Variants in ZSWIM6 observed in about 807,000 individuals in gnomAD.
ZSWIM6 encodes zinc finger SWIM domain-containing protein 6.
In ZSWIM6, 9 loss-of-function variants were observed where a neutral mutation model predicts 113.2. The ratio of observed to expected loss-of-function variants is 0.08; its 90% CI spans 0.05 to 0.14. The LOEUF is 0.14. Among genes scored for constraint, ZSWIM6 ranks in the 10% least tolerant of loss-of-function variants. The pLI, the probability that ZSWIM6 is intolerant of heterozygous loss-of-function variation, is 1.00. For missense variants in ZSWIM6, 1,162 were observed against 1,552.2 expected (o/e 0.75, Z 4.22); for synonymous variants, 611 against 606.5 (o/e 1.01, Z -0.11).
chr5:61,447,105 AAGC>A (rs1746970801), intron 1 of ZSWIM6, among the ~76,000 whole-genome samples: 1 of 152,158 alleles, frequency 6.6e-6, no homozygotes, highest in Admixed American at 6.5e-5. Context: ...ATCATGTACT[AAGC>A]AGGCCCAACC....
chr5:61,388,688 T>C (rs1305166794), intron 1 of ZSWIM6, among the ~76,000 whole-genome samples: 1 of 152,254 alleles, frequency 6.6e-6, no homozygotes, highest in Non-Finnish European at 1.5e-5. Flanking sequence ...AGCTAGTATT[T>C]GAACACACAG....
At chr5:61,419,663 T>C (rs1438764074) in intron 1 of ZSWIM6, among the ~76,000 whole-genome samples, 1 of 152,206 alleles carries the variant, frequency 6.6e-6, no homozygotes. Flanking sequence ...AACATTTCCA[T>C]CATTGTAGAA....
intron 1 of ZSWIM6, among the ~76,000 whole-genome samples, chr5:61,365,656 A>G (rs1298252412): frequency 6.6e-6 from 1 of 152,132 alleles, no homozygotes; most frequent in Non-Finnish European, 1.5e-5. Context: ...CAGTGTGATT[A>G]TGTTCTCTTC....
chr5:61,460,109 T>C (rs1747292331), intron 1 of ZSWIM6, among the ~76,000 whole-genome samples: 1 of 152,174 alleles, frequency 6.6e-6, no homozygotes, highest in Non-Finnish European at 1.5e-5. Flanking sequence ...TAAATACTTG[T>C]TCTTTGGTTC....
Position 61,543,814 on chromosome 5 carries a change from C to A in ZSWIM6, c.3145C>A (p.Leu1049Met). The A allele has an allele frequency of 1.3e-6, 2 of 1,551,918 alleles. No homozygotes were observed. Among genetic ancestry groups the A allele is most frequent in the Non-Finnish European group, 1.7e-6 (2 of 1,147,042 alleles). Residue 1049 changes from leucine to methionine, a missense_variant, in exon 14 of 14, where the codon CTG becomes ATG. Leu to Met is a conservative substitution (Grantham distance 15, BLOSUM62 2). This residue lies in a region of ZSWIM6 where 620 missense variants were observed against 804.6 expected (regional missense o/e 0.77). Transcript: ENST00000252744. The surrounding 1 kb of genome is among the most constrained non-coding windows in gnomAD (Gnocchi z 4.3). The part of the protein sequence containing the change: ...HRGYPMRAYK[L>M]ATLAMTHLNL... ...CGGGTACCCCATGAGGGCCTACAAG[C>A]TGGCCACCCTGGCCATGACCCATCT...
At chr5:61,470,465 A>G (rs920058062) in intron 1 of ZSWIM6, among the ~76,000 whole-genome samples, 1 of 152,192 alleles carries the variant, frequency 6.6e-6, no homozygotes, top group Non-Finnish European at 1.5e-5. Context: ...GGTTTATAGT[A>G]CATCTGCATA....
chr5:61,411,071 T>A (rs1404691705), intron 1 of ZSWIM6, among the ~76,000 whole-genome samples: 28 of 152,194 alleles, frequency 1.8e-4, no homozygotes, highest in Admixed American at 1.8e-3. Context: ...GGTCTCTCCA[T>A]CTCTCTGCTT....
intron 1 of ZSWIM6, among the ~76,000 whole-genome samples, chr5:61,435,701 A>G (rs568780683): frequency 1.0e-3 from 158 of 152,302 alleles, no homozygotes; most frequent in African/African-American, 3.6e-3. Context: ...TACGGATTAC[A>G]TTTTAAAATT....
chr5:61,412,219 A>G lies in ZSWIM6; in HGVS notation c.677-60462A>G, dbSNP rs528489597. 3.9e-4 allele frequency among the ~76,000 whole-genome samples: 59 copies of G among 152,338 alleles called. No homozygotes were observed. In the South Asian group the frequency reaches 9.9e-3, roughly 26 times the overall value. On this transcript the variant is annotated intron_variant, in intron 1 of 13. Coordinates refer to ENST00000252744, the MANE Select transcript of ZSWIM6 (RefSeq NM_020928.2). Reference sequence around the variant, plus strand: ...CTCATGATAAAAAGAGAAAAACTTCACAGGAGAAAGTTGAACTGCTTTTTA... The same window carrying G: ...CTCATGATAAAAAGAGAAAAACTTCGCAGGAGAAAGTTGAACTGCTTTTTA...
At position 61,375,390 on chromosome 5, in the gene ZSWIM6, A is replaced by G. The variant is rs745581520; in HGVS notation, c.676+42442A>G. The G allele has an allele frequency of 3.1e-5, 49 of 1,557,278 alleles. 2 individuals carry two copies. In the Middle Eastern group the frequency reaches 5.3e-4, roughly 17 times the overall value. ...AGAGCTCATCCAAAAAAAGACAGAG[A>G]AAGAAAAAAGAAAAGAAGAAATCTG... On this transcript the variant is annotated intron_variant, in intron 1 of 13. Transcript: ENST00000252744.
Position 61,332,380 on chromosome 5 carries a change from C to T in ZSWIM6, c.108C>T (p.Gly36=), listed in dbSNP as rs1579933469. The change falls in exon 1 of 14, where the codon GGC becomes GGT. Residue 36 remains glycine, a synonymous_variant. Coordinates refer to ENST00000252744, the MANE Select transcript of ZSWIM6 (RefSeq NM_020928.2). Reference sequence around the variant, plus strand: ...GCGGCGGCGGCGGCGGCGCGGGTGGCGGCTACAGCTCTGCCTGTCGGCCAG... The same window carrying T: ...GCGGCGGCGGCGGCGGCGCGGGTGGTGGCTACAGCTCTGCCTGTCGGCCAG... ...GSSGGGGGAG[G]GYSSACRPGP... is the part of the protein sequence containing the mutation. 1 of 991,740 alleles carries T rather than the reference C, an allele frequency of 1.0e-6. No individual in the cohort carries two copies. The allele number at this position is 991,740 out of a possible 1,614,324, so 61.4% of individuals were successfully genotyped here.
chr5:61,404,033 A>AGTCTCGC (rs1745995066), intron 1 of ZSWIM6, among the ~76,000 whole-genome samples: 1 of 148,112 alleles, frequency 6.8e-6, no homozygotes, highest in African/African-American at 2.5e-5. Context: ...TTTGAGACGG[A>AGTCTCGC]GTCTCGCTCT....
chr5:61,404,495 C>A (rs945744038), intron 1 of ZSWIM6, among the ~76,000 whole-genome samples: 14 of 152,176 alleles, frequency 9.2e-5, no homozygotes, highest in African/African-American at 3.4e-4. Context: ...GTTTTGCTGT[C>A]TTTGGCTAGG....
chr5:61,380,005 C>T (rs994994148), intron 1 of ZSWIM6, among the ~76,000 whole-genome samples: 5 of 152,094 alleles, frequency 3.3e-5, no homozygotes, highest in African/African-American at 4.8e-5. Context: ...ATAGTTTTGC[C>T]TATTCTTTAT....
intron 1 of ZSWIM6, chr5:61,391,599 G>T (rs1579971382): frequency 1.2e-5 from 11 of 898,560 alleles, no homozygotes; most frequent in Non-Finnish European, 1.9e-5. Context: ...TTTCCACGAA[G>T]CCCACAATGG....
chr5:61,342,776 A>G (rs1744574506), intron 1 of ZSWIM6, among the ~76,000 whole-genome samples: 1 of 152,224 alleles, frequency 6.6e-6, no homozygotes, highest in African/African-American at 2.4e-5. Context: ...TAAAATGGAC[A>G]TACTATAATA....
chr5:61,365,731 A>T (rs192884890), intron 1 of ZSWIM6, among the ~76,000 whole-genome samples: 1 of 152,162 alleles, frequency 6.6e-6, no homozygotes, highest in African/African-American at 2.4e-5. Context: ...GATGGAGTCA[A>T]TTCCCTTTGC....
In ZSWIM6 at chr5:61,513,076, T is replaced by A. The variant is rs1455045954; in HGVS notation, c.1334-8187T>A. Among the ~76,000 whole-genome samples the A allele has an allele frequency of 2.0e-5, 3 of 152,100 alleles. No individual in the cohort carries two copies. In the East Asian group the frequency reaches 5.8e-4, roughly 29 times the overall value. On this transcript the variant is annotated intron_variant, in intron 4 of 13. Coordinates refer to ENST00000252744, the MANE Select transcript of ZSWIM6 (RefSeq NM_020928.2). ...GATACATGTATCCACCATTAAAGTA[T>A]CAAACAGAGTAGTTTCACTATGCTA...
At chr5:61,384,823 C>T (rs1311103494) in intron 1 of ZSWIM6, among the ~76,000 whole-genome samples, 4 of 151,982 alleles carry the variant, frequency 2.6e-5, no homozygotes, top group Non-Finnish European at 4.4e-5. Flanking sequence ...TTTGGGAGGC[C>T]GAGGCAGGCG....
Sources: allele counts gnomAD v4.1 joint callset (sites outside exome capture counted in the v4.1 genomes callset), GRCh38; gene constraint gnomAD v4.1.1; regional missense constraint gnomAD v4.1.1; non-coding constraint Gnocchi (gnomAD v3.1); transcripts MANE v1.5; gene names NCBI Gene and HGNC (gene_info 2026-07-23, HGNC 2026-07-21).